The following PROX1 variants were observed in gnomAD, a reference collection of about 807,000 sequenced individuals.
PROX1 encodes the protein prospero homeobox protein 1.
PROX1 carries 7 observed loss-of-function variants against 58.8 expected under a neutral mutation model. That is an observed-to-expected ratio of 0.12 (90% CI 0.07 to 0.22). The LOEUF (loss-of-function observed/expected upper bound fraction) is 0.22, where lower values mean the gene tolerates loss of function less well. Ranked by LOEUF, PROX1 falls within the 10% of genes least tolerant of loss-of-function variation. The pLI, the probability that PROX1 is intolerant of heterozygous loss-of-function variation, is 1.00. For synonymous variants in PROX1, 350 were observed against 358.3 expected, an observed-to-expected ratio of 0.98 and a Z score of 0.26; for missense variants, 675 against 927.8, an observed-to-expected ratio of 0.73 and a Z score of 3.54.
At chr1:213,986,572 C>A (rs1662830903), upstream of PROX1, among the ~76,000 whole-genome samples, 1 of 152,040 alleles carries the variant, frequency 6.6e-6, no homozygotes, top group South Asian at 2.1e-4. Context: ...TGTAACACAC[C>A]TCATAAATAC....
chr1:214,001,539 A>C (rs1389012493), intron 2 of PROX1, among the ~76,000 whole-genome samples: 1 of 152,192 alleles, frequency 6.6e-6, no homozygotes, highest in South Asian at 2.1e-4. Flanking sequence ...AGCCGTTAAG[A>C]CGTGCAGGTG....
intron 4 of PROX1, among the ~76,000 whole-genome samples, chr1:214,023,801 A>G (rs988131396): frequency 6.6e-6 from 1 of 152,218 alleles, no homozygotes; most frequent in Non-Finnish European, 1.5e-5. Context: ...TTTAAATTAG[A>G]ATATGGTGCT....
intron 4 of PROX1, among the ~76,000 whole-genome samples, chr1:214,015,032 A>G (rs1388492554): frequency 1.3e-5 from 2 of 152,148 alleles, no homozygotes; most frequent in East Asian, 3.9e-4. Flanking sequence ...CTTTATGAGT[A>G]CAGGACCTTC....
At chr1:213,987,739 G>A (rs1249521341), upstream of PROX1, 22 of 139,202 alleles carry the variant, frequency 1.6e-4, no homozygotes, top group Non-Finnish European at 3.2e-4. Context: ...GATGGAGGCC[G>A]GGGAGGGGGA....
rs540657243 is a variant in PROX1, at chr1:214,035,465, C to G, written c.2029-184C>G. Among the ~76,000 whole-genome samples the G allele has an allele frequency of 2.6e-5, 4 of 152,286 alleles. No individual in the cohort carries two copies. The South Asian group carries it at 8.3e-4, about 32-fold the overall frequency. On this transcript the variant is annotated intron_variant, in intron 4 of 4. Coordinates refer to ENST00000366958, the MANE Select transcript of PROX1 (RefSeq NM_001270616.2). The stretch of plus-strand genomic sequence containing the variant: ...CTTCTTAAAACAAAGCTGTCAACCC[C>G]ACATCACAATGCTTCTATATATAAT...
chr1:214,011,787 T>A, intron 4 of PROX1, 72 bp downstream of exon 4: 1 of 1,311,960 alleles, frequency 7.6e-7, no homozygotes, highest in Non-Finnish European at 1.0e-6. Flanking sequence ...TTTAGAAATG[T>A]ACCCAAATCT....
chr1:214,023,676 G>C (rs1479219241), intron 4 of PROX1, among the ~76,000 whole-genome samples: 1 of 152,194 alleles, frequency 6.6e-6, no homozygotes, highest in Non-Finnish European at 1.5e-5. Flanking sequence ...TTGTATGTGT[G>C]AGAGTTTGTG....
chr1:214,015,277 G>A (rs757485264), intron 4 of PROX1, among the ~76,000 whole-genome samples: 2 of 152,246 alleles, frequency 1.3e-5, no homozygotes, highest in Non-Finnish European at 2.9e-5. Flanking sequence ...TGTGAGGCAC[G>A]CAGGAGAGGG....
At position 214,041,001 on chromosome 1, in the gene PROX1, A is replaced by T. The variant is rs894328386; in HGVS notation, c.*5167A>T. Reference sequence around the variant, plus strand: ...GACAATTGATTTTAAAGGAAAAGTTAAAAAAATTAGTTTGGCAGCTACTAA... The same window carrying T: ...GACAATTGATTTTAAAGGAAAAGTTTAAAAAATTAGTTTGGCAGCTACTAA... On this transcript the variant is annotated 3_prime_UTR_variant, in exon 5 of 5. Transcript: ENST00000366958. The T allele has an allele frequency of 2.3e-4, 35 of 152,110 alleles. No homozygotes were observed. The highest frequency in any genetic ancestry group is 8.2e-4 in the African/African-American group (34 of 41,432). The allele number at this position is 152,110 out of a possible 1,614,324, so 9.4% of individuals were successfully genotyped here.
chr1:213,995,931 A>G (rs189711666), intron 1 of PROX1, among the ~76,000 whole-genome samples: 167 of 152,352 alleles, frequency 1.1e-3, no homozygotes, highest in Non-Finnish European at 1.8e-3. Context: ...AAAATATTGT[A>G]AAATTCAAGA....
chr1:214,017,567 T>TA (rs397937784), intron 4 of PROX1, among the ~76,000 whole-genome samples: 13,272 of 144,070 alleles, frequency 0.092, 996 homozygotes, highest in African/African-American at 0.2. Context: ...TTTCTCTCTT[T>TA]AAAAAAAAAA....
rs66880995 is a variant in PROX1 at position 213,988,130 on chromosome 1, TC to T, written c.-418del. ...CCTCCTCTGCTGCTCTCTCCTCTCC[TC>T]CCGCTCTTCTCTCTCCTCCTCTCCT... is the stretch of plus-strand genomic sequence containing the variant. On this transcript the variant is annotated 5_prime_UTR_variant, in exon 1 of 5. Transcript: ENST00000366958. 1 allele frequency: 151,911 copies of T among 151,924 alleles called. 75,949 individuals are homozygous for T. The highest frequency in any genetic ancestry group is 1 in the Middle Eastern group (298 of 298). 9.4% of individuals were successfully genotyped at this position (151,924 alleles called of 1,614,324 possible).
At chr1:214,027,694 C>G (rs1170078448) in intron 4 of PROX1, among the ~76,000 whole-genome samples, 1 of 152,150 alleles carries the variant, frequency 6.6e-6, no homozygotes. Context: ...TTGAAACTGT[C>G]TTTATCTAGC....
At chr1:213,994,588 T>C (rs1419651682) in intron 1 of PROX1, among the ~76,000 whole-genome samples, 1 of 151,692 alleles carries the variant, frequency 6.6e-6, no homozygotes, top group Non-Finnish European at 1.5e-5. Flanking sequence ...TGCATTTTTG[T>C]ATTCCTGAAA....
intron 1 of PROX1, among the ~76,000 whole-genome samples, chr1:213,994,791 ATATATATATAT>A (rs1558167617): frequency 1.2e-4 from 10 of 81,876 alleles, no homozygotes; most frequent in African/African-American, 4.3e-4. Context: ...ATATATATAT[ATATATATATAT>A]AAAGAGGTAT....
chr1:213,994,771 ATAT>A (rs1558167558), intron 1 of PROX1, among the ~76,000 whole-genome samples: 1,680 of 33,818 alleles, frequency 0.05, 57 homozygotes, highest in Non-Finnish European at 0.079. Context: ...ATATATATAT[ATAT>A]ATATATATAT....
intron 3 of PROX1, among the ~76,000 whole-genome samples, chr1:214,009,304 T>C (rs1571819745): frequency 6.6e-6 from 1 of 152,358 alleles, no homozygotes; most frequent in African/African-American, 2.4e-5. Context: ...AGCCTCTTTA[T>C]TGTAGCGATT....
In PROX1 at chr1:214,005,255, T is replaced by C; in HGVS notation, c.1816T>C (p.Tyr606His). 6.2e-7 allele frequency: 1 copy of C among 1,612,682 alleles called. No homozygotes were observed. Among genetic ancestry groups the C allele is most frequent in the Non-Finnish European group, 8.5e-7 (1 of 1,178,778 alleles). ...RYPSSNMLKT[Y>H]FSDVKFNRCI... ...TCCCAGCTCCAATATGCTGAAGACC[T>C]ACTTCTCCGACGTAAAGGTAGGGAC... is the stretch of plus-strand genomic sequence containing the variant. The change falls in exon 3 of 5, where the codon TAC becomes CAC. Residue 606 changes from tyrosine (Y) to histidine (H), a missense_variant. Physicochemically the swap from Tyr to His is moderately conservative, Grantham distance 83. This residue lies in a region of PROX1 where 39 missense variants were observed against 73.4 expected (regional missense o/e 0.53). Coordinates refer to ENST00000366958, the MANE Select transcript of PROX1 (RefSeq NM_001270616.2).
chr1:214,028,344 C>T (rs1664529577), intron 4 of PROX1, among the ~76,000 whole-genome samples: 1 of 151,486 alleles, frequency 6.6e-6, no homozygotes, highest in Admixed American at 6.7e-5. Flanking sequence ...ATACACAAAA[C>T]CTAATCTCTA....
Sources: gnomAD v4.1 joint callset for allele counts (sites outside exome capture counted in the v4.1 genomes callset) on GRCh38, gnomAD v4.1.1 for gene constraint, gnomAD v4.1.1 regional missense constraint, MANE v1.5 for transcripts, NCBI Gene and HGNC (gene_info 2026-07-23, HGNC 2026-07-21) for gene names.